GRAMD1B: variants seen among roughly 807,000 people sequenced by gnomAD.
GRAMD1B encodes GRAM domain containing 1B.
A neutral mutation model predicts 99.7 loss-of-function variants in GRAMD1B; 37 were observed. The observed-to-expected ratio is 0.37, with a 90% CI of 0.29 to 0.49. GRAMD1B has a LOEUF of 0.49. Among genes scored for constraint, GRAMD1B ranks in the 20% least tolerant of loss-of-function variants. The pLI, the probability that GRAMD1B is intolerant of heterozygous loss-of-function variation, is 0.98. For missense variants in GRAMD1B, 888 were observed against 1,009.2 expected, an observed-to-expected ratio of 0.88 and a Z score of 1.63; for synonymous variants, 427 against 387.6, an observed-to-expected ratio of 1.10 and a Z score of -1.19.
In GRAMD1B at chr11:123,622,532, G is replaced by A; in HGVS notation, c.2571G>A (p.Gln857=). The change falls in exon 20 of 20, where the codon CAG becomes CAA. Residue 857 remains glutamine (Q), a synonymous_variant. Transcript: ENST00000635736. ...DQMKDSLINL[Q]NGIRSRDYTS... is the part of the protein sequence containing the mutation. ...TGAAGGACTCGCTCATCAACCTTCA[G>A]AACGGCATCAGGTCCCGCGACTACA... is the stretch of plus-strand genomic sequence containing the variant. 1 of 1,558,428 alleles carries A rather than the reference G, an allele frequency of 6.4e-7. No individual in the cohort carries two copies. The highest frequency in any genetic ancestry group is 1.2e-5 in the South Asian group (1 of 84,364).
intron 2 of GRAMD1B, among the ~76,000 whole-genome samples, chr11:123,484,472 A>G (rs191551447): frequency 1.8e-3 from 279 of 152,278 alleles, no homozygotes; most frequent in African/African-American, 6.4e-3. Context: ...AGGTTCTCCC[A>G]TCTAAACCTC....
At chr11:123,598,192 G>A in intron 7 of GRAMD1B, 1 of 1,475,356 alleles carries the variant, frequency 6.8e-7, no homozygotes, top group South Asian at 1.1e-5. Flanking sequence ...CCGCTGGAAG[G>A]CTTTGGGTCC....
chr11:123,527,119 C>T (rs532990625), intron 2 of GRAMD1B, among the ~76,000 whole-genome samples: 3 of 152,256 alleles, frequency 2.0e-5, no homozygotes, highest in Admixed American at 2.0e-4. Flanking sequence ...GGAGGATGAG[C>T]TTGGGAGAGC....
intron 1 of GRAMD1B, chr11:123,454,960 T>C (rs1016240614): frequency 1.3e-5 from 2 of 152,234 alleles, no homozygotes; most frequent in African/African-American, 4.8e-5. Flanking sequence ...ATGTAATTCT[T>C]ATGTTTAAAG....
rs748878338 is a variant in GRAMD1B at position 123,577,493 on chromosome 11, G to C, written c.579G>C (p.Ser193=). 9 of 1,603,440 alleles carry C rather than the reference G, an allele frequency of 5.6e-6. No homozygotes were observed. Among genetic ancestry groups the C allele is most frequent in the Middle Eastern group, 3.3e-4 (2 of 6,056 alleles). Residue 193 remains serine (S), a synonymous_variant, in exon 3 of 20, where the codon TCG becomes TCC. Coordinates refer to ENST00000635736, the MANE Select transcript of GRAMD1B (RefSeq NM_001387025.1). ...TGGAGAAGGGCTCAGATCACTCCTC[G>C]GACAAGTCCCCGTCCACACCGGAGC... ...TMVEKGSDHS[S]DKSPSTPEQG... is the part of the protein sequence containing the mutation.
At chr11:123,548,321 TATATAC>T (rs1243920428) in intron 2 of GRAMD1B, among the ~76,000 whole-genome samples, 62 of 107,222 alleles carry the variant, frequency 5.8e-4, no homozygotes, top group South Asian at 5.2e-3. Context: ...TATATATATA[TATATAC>T]ACACACACAC....
rs552899228 is a variant in GRAMD1B, at chr11:123,618,218, C to G, written c.2319-475C>G. The G allele has an allele frequency of 6.6e-6, 5 of 763,202 alleles. No individual in the cohort carries two copies. The South Asian group carries it at 7.9e-5, about 12-fold the overall frequency. The allele number at this position is 763,202 out of a possible 1,614,324, so 47.3% of individuals were successfully genotyped here. A position where few individuals can be genotyped will look rare whatever the true frequency, so the allele number is the denominator to read the frequency against. ...CGTCTCATCCATTGTGTCTTTGCTT[C>G]TAGTATTTTTTTCTCATATACTCTC... On this transcript the variant is annotated intron_variant, in intron 17 of 19. Coordinates refer to ENST00000635736, the MANE Select transcript of GRAMD1B (RefSeq NM_001387025.1).
chr11:123,464,444 A>G (rs1024712833), intron 1 of GRAMD1B, among the ~76,000 whole-genome samples: 1 of 152,232 alleles, frequency 6.6e-6, no homozygotes, highest in Non-Finnish European at 1.5e-5. Flanking sequence ...GAAATCAATC[A>G]TGGTGGGAGT....
intron 2 of GRAMD1B, among the ~76,000 whole-genome samples, chr11:123,535,365 A>T (rs1368975622): frequency 6.6e-6 from 1 of 152,094 alleles, no homozygotes; most frequent in Non-Finnish European, 1.5e-5. Context: ...GCCCAAGACC[A>T]TATAATAAAT....
At chr11:123,480,740 T>C (rs1304966502) in intron 1 of GRAMD1B, 76 bp from the exon 2 acceptor site, 1 of 398,392 alleles carries the variant, frequency 2.5e-6, no homozygotes, top group Non-Finnish European at 4.4e-6. Context: ...CTTTGTCTAG[T>C]TGAAGTCTAA....
At chr11:123,555,728 G>A (rs1351850470) in intron 2 of GRAMD1B, among the ~76,000 whole-genome samples, 4 of 151,992 alleles carry the variant, frequency 2.6e-5, no homozygotes, top group Non-Finnish European at 4.4e-5. Flanking sequence ...TTTCTCATCA[G>A]TTTGATAAAA....
At position 123,445,531 on chromosome 11, in the gene GRAMD1B, T is replaced by G. The variant is rs375308606; in HGVS notation, c.374+14365T>G. 3.3e-3 allele frequency among the ~76,000 whole-genome samples: 495 copies of G among 152,038 alleles called. 2 individuals carry two copies. The highest frequency in any genetic ancestry group is 0.011 in the African/African-American group (447 of 41,498). ...AAATATCACTTTAAAAAAAAGACTC[T>G]GGGGCCTGGCGCAGTGGCTTACCCT... On this transcript the variant is annotated intron_variant, in intron 1 of 19. Transcript: ENST00000635736.
At chr11:123,456,756 C>T (rs1334319538) in intron 1 of GRAMD1B, among the ~76,000 whole-genome samples, 1 of 151,688 alleles carries the variant, frequency 6.6e-6, no homozygotes, top group African/African-American at 2.4e-5. Flanking sequence ...TCCGTCTCTA[C>T]TAAATATACA....
chr11:123,619,959 G>C (rs1954915943), intron 19 of GRAMD1B, among the ~76,000 whole-genome samples: 1 of 152,308 alleles, frequency 6.6e-6, no homozygotes, highest in South Asian at 2.1e-4. Flanking sequence ...TCCCTAAAGA[G>C]TTGCCTTTCT....
At position 123,568,703 on chromosome 11, in the gene GRAMD1B, C is replaced by T. The variant is rs563943622; in HGVS notation, c.453-8664C>T. 2.4e-4 allele frequency among the ~76,000 whole-genome samples: 37 copies of T among 152,294 alleles called. No homozygotes were observed. In the South Asian group the frequency reaches 5.2e-3, roughly 21 times the overall value. On this transcript the variant is annotated intron_variant, in intron 2 of 19. Coordinates refer to ENST00000635736, the MANE Select transcript of GRAMD1B (RefSeq NM_001387025.1). The stretch of plus-strand genomic sequence containing the variant: ...GCTAAATCTAGGCCGAAGTGTGGCA[C>T]GCCTGGACCAGGCTGAGACTCTGCT...
intron 17 of GRAMD1B, among the ~76,000 whole-genome samples, chr11:123,616,823 T>C (rs1227493875): frequency 1.3e-5 from 2 of 152,198 alleles, no homozygotes; most frequent in Non-Finnish European, 2.9e-5. Flanking sequence ...ATTGCAAACA[T>C]AAACCCAAAT....
Position 123,430,911 on chromosome 11 carries a change from G to T in GRAMD1B, c.119G>T (p.Arg40Leu), listed in dbSNP as rs1382125980. 5.7e-6 allele frequency: 4 copies of T among 702,678 alleles called. No individual in the cohort carries two copies. The Admixed American group carries it at 6.0e-5, about 11-fold the overall frequency. The allele number at this position is 702,678 out of a possible 1,614,324, so 43.5% of individuals were successfully genotyped here. ...AGTTCGTCGACCCCCACGCTTCGCCGCCGGCGCTTCAAGATGCGCCGCATG... is the reference window on the plus strand; with the variant it reads ...AGTTCGTCGACCCCCACGCTTCGCCTCCGGCGCTTCAAGATGCGCCGCATG... ...WSSSSTPTLR[R>L]RRFKMRRMKN... is the part of the protein sequence containing the mutation. Residue 40 changes from arginine (R) to leucine (L), a missense_variant, in exon 1 of 20, where the codon CGC (arginine) becomes CTC (leucine). This residue lies in a region of GRAMD1B where 233 missense variants were observed against 154.6 expected (regional missense o/e 1.51). Coordinates refer to ENST00000635736, the MANE Select transcript of GRAMD1B (RefSeq NM_001387025.1).
chr11:123,558,419 G>A (rs1253367668), intron 2 of GRAMD1B, among the ~76,000 whole-genome samples: 1 of 152,168 alleles, frequency 6.6e-6, no homozygotes, highest in Non-Finnish European at 1.5e-5. Context: ...AGTTCTAAAT[G>A]TATACTGTAA....
At chr11:123,533,025 A>C (rs1241131594) in intron 2 of GRAMD1B, among the ~76,000 whole-genome samples, 2 of 152,228 alleles carry the variant, frequency 1.3e-5, no homozygotes, top group East Asian at 3.8e-4. Context: ...GCTGAAGTGC[A>C]ATGGTGCGAT....
Sources: allele counts gnomAD v4.1 joint callset (sites outside exome capture counted in the v4.1 genomes callset), GRCh38; gene constraint gnomAD v4.1.1; regional missense constraint gnomAD v4.1.1; transcripts MANE v1.5; gene names NCBI Gene and HGNC (gene_info 2026-07-23, HGNC 2026-07-21).